The following TES variants were observed in gnomAD, a reference collection of about 807,000 sequenced individuals.
The protein encoded by TES is testin.
In TES, 41 loss-of-function variants were observed where a neutral mutation model predicts 48.2. The observed-to-expected ratio is 0.85, with a 90% CI of 0.66 to 1.10. The LOEUF (loss-of-function observed/expected upper bound fraction) is 1.10, where lower values mean the gene tolerates loss of function less well. TES is among the 50% of genes least tolerant of loss of function. The pLI is 0.00. For synonymous variants in TES, 162 were observed against 174.9 expected, an observed-to-expected ratio of 0.93 and a Z score of 0.58; for missense variants, 463 against 515.1, an observed-to-expected ratio of 0.90 and a Z score of 0.98.
intron 1 of TES, among the ~76,000 whole-genome samples, chr7:116,225,397 G>A (rs190011808): frequency 5.3e-5 from 8 of 152,224 alleles, no homozygotes; most frequent in Admixed American, 5.2e-4. Flanking sequence ...CTTAAGAAAT[G>A]TAGGGATAGA....
chr7:116,255,085 C>T (rs1408426859), intron 6 of TES: 2 of 150,842 alleles, frequency 1.3e-5, no homozygotes, highest in Non-Finnish European at 3.0e-5. Context: ...AAAAAAAGTA[C>T]CTGGAAGGAA....
intron 1 of TES, among the ~76,000 whole-genome samples, chr7:116,216,067 G>A (rs535807340): frequency 4.6e-5 from 7 of 152,180 alleles, no homozygotes; most frequent in African/African-American, 9.6e-5. Context: ...GTTAGCATGC[G>A]ATCAACATCA....
rs1040410675 is a variant in TES at position 116,258,382 on chromosome 7, T to C, written c.*900T>C. 1.3e-5 allele frequency: 2 copies of C among 152,576 alleles called. No individual in the cohort carries two copies. Among genetic ancestry groups the C allele is most frequent in the African/African-American group, 4.8e-5 (2 of 41,410 alleles). 9.5% of individuals were successfully genotyped at this position (152,576 alleles called of 1,614,324 possible). A position where few individuals can be genotyped will look rare whatever the true frequency, so the allele number is the denominator to read the frequency against. On this transcript the variant is annotated 3_prime_UTR_variant, in exon 7 of 7. Coordinates refer to ENST00000358204, the MANE Select transcript of TES (RefSeq NM_015641.4). Reference sequence around the variant, plus strand: ...GCCTTGGCCTCCCAAAGTGCTGGGATTACAGGTGTGGGAGCCACCATGCCT... The same window carrying C: ...GCCTTGGCCTCCCAAAGTGCTGGGACTACAGGTGTGGGAGCCACCATGCCT...
intron 6 of TES, among the ~76,000 whole-genome samples, chr7:116,253,602 C>G (rs555696325): frequency 6.6e-6 from 1 of 152,108 alleles, no homozygotes; most frequent in Non-Finnish European, 1.5e-5. Flanking sequence ...TACTAGTTAT[C>G]CAACGCAAAT....
At chr7:116,240,681 A>T (rs1394234956) in intron 2 of TES, among the ~76,000 whole-genome samples, 1 of 152,122 alleles carries the variant, frequency 6.6e-6, no homozygotes. Flanking sequence ...TTAATTCTGA[A>T]TCCCCTTCCC....
At chr7:116,242,082 G>C (rs1050791198) in intron 2 of TES, among the ~76,000 whole-genome samples, 1 of 152,032 alleles carries the variant, frequency 6.6e-6, no homozygotes, top group Non-Finnish European at 1.5e-5. Context: ...AACATAGATT[G>C]TAAAAATTTC....
At chr7:116,226,444 G>T (rs1016104074) in intron 1 of TES, among the ~76,000 whole-genome samples, 1 of 152,198 alleles carries the variant, frequency 6.6e-6, no homozygotes, top group Non-Finnish European at 1.5e-5. Context: ...AGGAGCAGAG[G>T]TTCAAGCAAA....
At chr7:116,249,987 A>G in intron 3 of TES, 174 bp from the exon 4 acceptor site, 2 of 423,836 alleles carry the variant, frequency 4.7e-6, no homozygotes. Context: ...ACCCAACTAA[A>G]TCTATTTAGT....
chr7:116,236,440 T>C (rs986620199), intron 2 of TES, among the ~76,000 whole-genome samples: 12 of 152,198 alleles, frequency 7.9e-5, no homozygotes, highest in Non-Finnish European at 1.6e-4. Context: ...CTTATGTACA[T>C]AAGCTGTATA....
intron 1 of TES, among the ~76,000 whole-genome samples, chr7:116,215,586 A>G (rs540080792): frequency 1.3e-5 from 2 of 152,296 alleles, no homozygotes; most frequent in South Asian, 4.1e-4. Flanking sequence ...CTTATCTTCT[A>G]AGATTCTCCC....
Position 116,258,699 on chromosome 7 carries a change from A to G in TES, c.*1217A>G, listed in dbSNP as rs1054446307. 3.3e-5 allele frequency: 5 copies of G among 152,588 alleles called. No homozygotes were observed. The highest frequency in any genetic ancestry group is 3.3e-4 in the Admixed American group (5 of 15,276). 9.5% of individuals were successfully genotyped at this position (152,588 alleles called of 1,614,324 possible). A position where few individuals can be genotyped will look rare whatever the true frequency, so the allele number is the denominator to read the frequency against. ...TTCTAATGTTTATTCTTCCCTGTGT[A>G]CTTCTACACATAGCTATGCACTATG... On this transcript the variant is annotated 3_prime_UTR_variant, in exon 7 of 7. Coordinates refer to ENST00000358204, the MANE Select transcript of TES (RefSeq NM_015641.4).
At chr7:116,245,050 T>TG (rs1799902452) in intron 2 of TES, among the ~76,000 whole-genome samples, 2 of 152,082 alleles carry the variant, frequency 1.3e-5, no homozygotes, top group South Asian at 4.1e-4. Context: ...TTTTCCCTCC[T>TG]AGGCCTCCAG....
At position 116,257,968 on chromosome 7, in the gene TES, C is replaced by CA. The variant is rs1293475137; in HGVS notation, c.*489dup. On this transcript the variant is annotated 3_prime_UTR_variant, in exon 7 of 7. Transcript: ENST00000358204. ...ATGATACACAGTGAATTCTTTTTGA[C>CA]AAAGAGAAATGCAGTGTAGTATGCA... 1 of 153,296 alleles carries CA rather than the reference C, an allele frequency of 6.5e-6. No homozygotes were observed. Among genetic ancestry groups the CA allele is most frequent in the Non-Finnish European group, 1.5e-5 (1 of 68,780 alleles). The allele number at this position is 153,296 out of a possible 1,614,324, so 9.5% of individuals were successfully genotyped here. A position where few individuals can be genotyped will look rare whatever the true frequency, so the allele number is the denominator to read the frequency against.
intron 6 of TES, among the ~76,000 whole-genome samples, chr7:116,256,632 TATGTC>T (rs1688214129): frequency 6.6e-6 from 1 of 152,166 alleles, no homozygotes; most frequent in South Asian, 2.1e-4. Flanking sequence ...TACATGTTTG[TATGTC>T]ATGTATATAT....
intron 2 of TES, among the ~76,000 whole-genome samples, chr7:116,239,973 TG>T (rs1238603505): frequency 2.0e-5 from 3 of 152,252 alleles, no homozygotes; most frequent in African/African-American, 7.2e-5. Flanking sequence ...GCTTTACCTT[TG>T]TTAAAGTCTC....
At chr7:116,257,195 G>A (rs1334666067) in intron 6 of TES, 99 bp from the exon 7 acceptor site, 7 of 1,298,654 alleles carry the variant, frequency 5.4e-6, no homozygotes, top group Non-Finnish European at 7.3e-6. Flanking sequence ...TTGTCATTAT[G>A]AGTTTTAATT....
intron 2 of TES, among the ~76,000 whole-genome samples, chr7:116,247,687 G>A (rs1799946778): frequency 6.6e-6 from 1 of 152,150 alleles, no homozygotes; most frequent in Non-Finnish European, 1.5e-5. Flanking sequence ...CACTGAATTT[G>A]TTAAAATACT....
intron 1 of TES, among the ~76,000 whole-genome samples, chr7:116,223,811 T>G (rs568480369): frequency 6.6e-6 from 1 of 152,332 alleles, no homozygotes; most frequent in African/African-American, 2.4e-5. Context: ...TATACCCCTG[T>G]TCCCCTTTAT....
intron 1 of TES, chr7:116,222,840 A>G (rs1345257386): frequency 2.2e-5 from 7 of 312,980 alleles, no homozygotes; most frequent in Non-Finnish European, 3.3e-5. Flanking sequence ...TTATGAGCGC[A>G]TTCCATTACA....
Sources: gnomAD v4.1 joint callset for allele counts (sites outside exome capture counted in the v4.1 genomes callset) on GRCh38, gnomAD v4.1.1 for gene constraint, MANE v1.5 for transcripts, NCBI Gene and HGNC (gene_info 2026-07-23, HGNC 2026-07-21) for gene names.